Variants in PIAS2 observed in about 807,000 individuals in gnomAD.
The protein encoded by PIAS2 is protein inhibitor of activated STAT 2.
A neutral mutation model predicts 69.7 loss-of-function variants in PIAS2; 19 were observed. The ratio of observed to expected loss-of-function variants is 0.27; its 90% CI spans 0.19 to 0.40. The LOEUF (loss-of-function observed/expected upper bound fraction) is 0.40. Among genes scored for constraint, PIAS2 ranks in the 10% least tolerant of loss-of-function variants. The pLI, the probability that PIAS2 is intolerant of heterozygous loss-of-function variation, is 1.00. For synonymous variants in PIAS2, 261 were observed against 263.2 expected, an observed-to-expected ratio of 0.99 and a Z score of 0.08; for missense variants, 624 against 757.0, an observed-to-expected ratio of 0.82 and a Z score of 2.06.
intron 3 of PIAS2, among the ~76,000 whole-genome samples, chr18:46,858,297 T>C (rs987998473): frequency 6.0e-5 from 9 of 150,476 alleles, no homozygotes; most frequent in African/African-American, 9.8e-5. Flanking sequence ...TGAGGTACCA[T>C]TAGAGTGTGT....
intron 8 of PIAS2, among the ~76,000 whole-genome samples, chr18:46,838,381 A>G (rs1359902237): frequency 6.6e-6 from 1 of 152,198 alleles, no homozygotes; most frequent in Non-Finnish European, 1.5e-5. Flanking sequence ...TAAGTAACCT[A>G]ACGTTACAAA....
upstream of PIAS2, among the ~76,000 whole-genome samples, chr18:46,918,201 GC>G (rs770321376): frequency 6.6e-6 from 1 of 152,028 alleles, no homozygotes; most frequent in Non-Finnish European, 1.5e-5. Flanking sequence ...AAGCTTGATG[GC>G]CCCCCCGTAA....
At position 46,828,088 on chromosome 18, in the gene PIAS2, C is replaced by G; in HGVS notation, c.1379G>C (p.Ser460Thr). Residue 460 changes from serine to threonine, a missense_variant, in exon 11 of 14, where the codon AGT becomes ACT. This residue lies in a region of PIAS2 where 241 missense variants were observed against 257.3 expected (regional missense o/e 0.94). Coordinates refer to ENST00000585916, the MANE Select transcript of PIAS2 (RefSeq NM_004671.5). ...ATCTACTTTCTTCTTGCTTGCCTCACTGGCTACAGTCACTGAACAAGGCTT... is the reference window on the plus strand; with the variant it reads ...ATCTACTTTCTTCTTGCTTGCCTCAGTGGCTACAGTCACTGAACAAGGCTT... ...LSKPCSVTVA[S>T]EASKKKVDVI... 1 of 1,613,680 alleles carries G rather than the reference C, an allele frequency of 6.2e-7. No homozygotes were observed. The highest frequency in any genetic ancestry group is 8.5e-7 in the Non-Finnish European group (1 of 1,179,794).
intron 1 of PIAS2, among the ~76,000 whole-genome samples, chr18:46,910,522 C>T (rs2057140599): frequency 1.3e-5 from 2 of 152,044 alleles, no homozygotes; most frequent in African/African-American, 4.8e-5. Flanking sequence ...AAATTAGCAT[C>T]AGAGAAATTC....
intron 3 of PIAS2, among the ~76,000 whole-genome samples, chr18:46,856,440 C>T (rs896164644): frequency 2.6e-5 from 4 of 152,144 alleles, no homozygotes; most frequent in Non-Finnish European, 5.9e-5. Flanking sequence ...AGAGTCTCAG[C>T]ATCTCCATAC....
intron 2 of PIAS2, among the ~76,000 whole-genome samples, chr18:46,888,892 G>T (rs921499565): frequency 3.3e-5 from 5 of 152,176 alleles, no homozygotes; most frequent in African/African-American, 1.2e-4. Context: ...ACGGCCTGAG[G>T]GTTGGAGACC....
At chr18:46,906,302 T>C (rs575390514) in intron 1 of PIAS2, 8 of 151,704 alleles carry the variant, frequency 5.3e-5, no homozygotes, top group Non-Finnish European at 8.8e-5. Flanking sequence ...CTATTCAACA[T>C]TGTACTGGAG....
intron 8 of PIAS2, among the ~76,000 whole-genome samples, chr18:46,842,522 C>T (rs961369002): frequency 6.6e-6 from 1 of 152,126 alleles, no homozygotes; most frequent in Non-Finnish European, 1.5e-5. Flanking sequence ...CATATGGTGA[C>T]TGTATGTGGA....
At chr18:46,887,067 A>G (rs2053325674) in intron 2 of PIAS2, among the ~76,000 whole-genome samples, 1 of 152,166 alleles carries the variant, frequency 6.6e-6, no homozygotes, top group Non-Finnish European at 1.5e-5. Context: ...TATGTTATCA[A>G]GAGTCTAAAA....
In PIAS2 at chr18:46,867,864, C is replaced by G. The variant is rs181050615; in HGVS notation, c.500-3616G>C. 1.5e-4 allele frequency among the ~76,000 whole-genome samples: 23 copies of G among 152,298 alleles called. No individual in the cohort carries two copies. The East Asian group carries it at 3.9e-3, about 26-fold the overall frequency. On this transcript the variant is annotated intron_variant, in intron 2 of 13. Coordinates refer to ENST00000585916, the MANE Select transcript of PIAS2 (RefSeq NM_004671.5). ...TAAGTGATGCTATACAGCTCCAAGG[C>G]TGAACCATAAAAATACCACACACAT...
chr18:46,833,417 C>CT (rs2043969754), intron 9 of PIAS2, among the ~76,000 whole-genome samples: 2 of 152,006 alleles, frequency 1.3e-5, no homozygotes, highest in Non-Finnish European at 2.9e-5. Context: ...CATGAGAAAA[C>CT]TTTAGGTGTG....
intron 1 of PIAS2, among the ~76,000 whole-genome samples, chr18:46,893,855 A>C (rs1276196993): frequency 6.6e-6 from 1 of 152,124 alleles, no homozygotes; most frequent in African/African-American, 2.4e-5. Flanking sequence ...GGCCAGGCAC[A>C]GTGGCTCACG....
At chr18:46,850,168 C>T (rs925241152) in intron 5 of PIAS2, among the ~76,000 whole-genome samples, 2 of 151,896 alleles carry the variant, frequency 1.3e-5, no homozygotes, top group East Asian at 1.9e-4. Flanking sequence ...ATGTACTTAC[C>T]CATGAACAAT....
chr18:46,885,868 A>C (rs2053096559), intron 2 of PIAS2, among the ~76,000 whole-genome samples: 1 of 152,244 alleles, frequency 6.6e-6, no homozygotes, highest in Non-Finnish European at 1.5e-5. Flanking sequence ...TCTAAGCCAA[A>C]TGAGATAGTT....
intron 1 of PIAS2, chr18:46,915,224 A>T (rs1268523938): frequency 6.6e-6 from 1 of 152,170 alleles, no homozygotes; most frequent in Non-Finnish European, 1.5e-5. Flanking sequence ...TCTTGAAAAA[A>T]TTGTGAGAAT....
At chr18:46,855,094 T>C (rs2047542958) in intron 5 of PIAS2, among the ~76,000 whole-genome samples, 1 of 130,602 alleles carries the variant, frequency 7.7e-6, no homozygotes, top group Admixed American at 8.0e-5. Flanking sequence ...CAGTAGGACC[T>C]TGTCTCTTTA....
At chr18:46,912,986 A>G (rs948799953) in intron 1 of PIAS2, among the ~76,000 whole-genome samples, 2 of 152,156 alleles carry the variant, frequency 1.3e-5, no homozygotes, top group Admixed American at 1.3e-4. Flanking sequence ...CGCCCAGCCT[A>G]TTTCACTTTA....
intron 2 of PIAS2, among the ~76,000 whole-genome samples, chr18:46,878,928 G>T (rs2051707957): frequency 6.6e-6 from 1 of 152,202 alleles, no homozygotes; most frequent in South Asian, 2.1e-4. Flanking sequence ...GTTAACAGGG[G>T]CTCATACTAT....
At chr18:46,869,042 T>C (rs72911106) in intron 2 of PIAS2, among the ~76,000 whole-genome samples, 8 of 152,198 alleles carry the variant, frequency 5.3e-5, no homozygotes, top group Non-Finnish European at 8.8e-5. Context: ...TTGGGACAAC[T>C]TGGAGCTTGA....
Sources: allele counts gnomAD v4.1 joint callset (sites outside exome capture counted in the v4.1 genomes callset), GRCh38; gene constraint gnomAD v4.1.1; regional missense constraint gnomAD v4.1.1; transcripts MANE v1.5; gene names NCBI Gene and HGNC (gene_info 2026-07-23, HGNC 2026-07-21).